Variants in ESRRG observed in about 807,000 individuals in gnomAD.
The protein encoded by ESRRG is estrogen-related receptor gamma.
Under a neutral mutation model 44.0 loss-of-function variants are expected in ESRRG, and 13 were observed. That is an observed-to-expected ratio of 0.30 (90% CI 0.19 to 0.47). The LOEUF (loss-of-function observed/expected upper bound fraction) is 0.47. ESRRG is among the 20% of genes least tolerant of loss of function. The probability of loss-of-function intolerance (pLI) is 1.00; values close to 1 mark genes in which losing one functional copy is unlikely to be tolerated. For synonymous variants in ESRRG, 215 were observed against 214.6 expected (o/e 1.00, Z -0.02); for missense variants, 395 against 580.6 (o/e 0.68, Z 3.29).
At chr1:217,032,138 T>C (rs1444604683) in intron 1 of ESRRG, among the ~76,000 whole-genome samples, 1 of 152,188 alleles carries the variant, frequency 6.6e-6, no homozygotes, top group Non-Finnish European at 1.5e-5. Context: ...ATATAAAGAA[T>C]GCAATACTAA....
At chr1:216,763,103 T>G (rs1172041336) in intron 2 of ESRRG, among the ~76,000 whole-genome samples, 1 of 152,130 alleles carries the variant, frequency 6.6e-6, no homozygotes, top group Admixed American at 6.6e-5. Flanking sequence ...ACAATTATAT[T>G]GGGAAGCTAT....
chr1:216,620,144 C>G (rs2061993117), intron 3 of ESRRG, among the ~76,000 whole-genome samples: 1 of 152,106 alleles, frequency 6.6e-6, no homozygotes, highest in South Asian at 2.1e-4. Flanking sequence ...AAGCCAATTT[C>G]TGGGTTTCAA....
At chr1:217,137,277 A>G (rs941374962) in intron 1 of ESRRG, among the ~76,000 whole-genome samples, 1 of 152,092 alleles carries the variant, frequency 6.6e-6, no homozygotes, top group Non-Finnish European at 1.5e-5. Flanking sequence ...CCCACCAGTT[A>G]CCTCCTCCTA....
chr1:216,991,290 T>C (rs17044815), intron 1 of ESRRG, among the ~76,000 whole-genome samples: 3,355 of 152,236 alleles, frequency 0.022, 122 homozygotes, highest in African/African-American at 0.075. Flanking sequence ...TACTGTACCA[T>C]TGAAACCAAC....
upstream of ESRRG, chr1:217,089,628 C>G (rs1391435762): frequency 6.6e-6 from 1 of 152,200 alleles, no homozygotes; most frequent in African/African-American, 2.4e-5. Context: ...CATTGCACAT[C>G]TTACACACGC....
intron 2 of ESRRG, among the ~76,000 whole-genome samples, chr1:216,807,862 G>A (rs761499930): frequency 7.2e-5 from 11 of 152,176 alleles, no homozygotes; most frequent in Non-Finnish European, 1.5e-4. Context: ...TTGGTGCCAA[G>A]TATAGTACTA....
chr1:216,727,671 T>G (rs1039150081), upstream of ESRRG, among the ~76,000 whole-genome samples: 7 of 152,194 alleles, frequency 4.6e-5, no homozygotes, highest in Non-Finnish European at 1.0e-4. Context: ...CTTTGATATT[T>G]AAATTATTGT....
intron 1 of ESRRG, among the ~76,000 whole-genome samples, chr1:217,110,136 A>G (rs2092644819): frequency 6.6e-6 from 1 of 152,220 alleles, no homozygotes; most frequent in Non-Finnish European, 1.5e-5. Context: ...CCAGGTTTGG[A>G]ACCCATGGAA....
intron 1 of ESRRG, among the ~76,000 whole-genome samples, chr1:217,015,519 C>T (rs1459933722): frequency 6.6e-6 from 1 of 152,080 alleles, no homozygotes; most frequent in Non-Finnish European, 1.5e-5. Flanking sequence ...TTTTTCTCTA[C>T]ACAGGAGCTC....
At chr1:216,977,393 T>A (rs2073166412) in intron 1 of ESRRG, among the ~76,000 whole-genome samples, 1 of 145,060 alleles carries the variant, frequency 6.9e-6, no homozygotes, top group African/African-American at 2.5e-5. Context: ...GATAGATGCC[T>A]AAGATATAAT....
chr1:217,003,579 A>AAGTATTAATATTAATT (rs1553766351), intron 1 of ESRRG, among the ~76,000 whole-genome samples: 2 of 147,718 alleles, frequency 1.4e-5, no homozygotes, highest in East Asian at 4.0e-4. Flanking sequence ...ACTAATTAAT[A>AAGTATTAATATTAATT]AGTATTAATA....
chr1:216,921,717 G>C (rs1278446874), intron 2 of ESRRG, among the ~76,000 whole-genome samples: 1 of 152,054 alleles, frequency 6.6e-6, no homozygotes, highest in Admixed American at 6.6e-5. Flanking sequence ...CTAATACAAT[G>C]AATTTTTTAA....
At chr1:216,895,570 A>C (rs946195014) in intron 2 of ESRRG, among the ~76,000 whole-genome samples, 7 of 152,234 alleles carry the variant, frequency 4.6e-5, no homozygotes, top group Non-Finnish European at 1.5e-5. Flanking sequence ...CTACCTTAGC[A>C]AGTTCCAATA....
chr1:216,946,526 C>T (rs947369937), intron 1 of ESRRG, among the ~76,000 whole-genome samples: 1 of 152,162 alleles, frequency 6.6e-6, no homozygotes, highest in African/African-American at 2.4e-5. Flanking sequence ...CTGATCATTA[C>T]ATGGGTCTGA....
chr1:216,647,272 G>C (rs1158936130), intron 3 of ESRRG, among the ~76,000 whole-genome samples: 5 of 152,038 alleles, frequency 3.3e-5, no homozygotes, highest in African/African-American at 1.2e-4. Context: ...ATGGTATAAT[G>C]ACAAAAAAAT....
intron 1 of ESRRG, among the ~76,000 whole-genome samples, chr1:217,122,403 T>C (rs1174124572): frequency 4.6e-5 from 7 of 152,162 alleles, no homozygotes; most frequent in Non-Finnish European, 1.5e-5. Context: ...GTTATGTGAT[T>C]TTGACTAAGT....
rs2081715290 is a variant in ESRRG, at chr1:217,029,461, T to C, written c.-106+60046A>G. On this transcript the variant is annotated intron_variant, in intron 1 of 7. Transcript: ENST00000359162. ...GCCCAGGTGAAGCAGGAAAAGACACTGAACTGCTTCCAAATGGACTGACTT... is the reference window on the plus strand; with the variant it reads ...GCCCAGGTGAAGCAGGAAAAGACACCGAACTGCTTCCAAATGGACTGACTT... Among the ~76,000 whole-genome samples the C allele has an allele frequency of 2.0e-5, 3 of 152,214 alleles. No homozygotes were observed. The South Asian group carries it at 6.2e-4, about 32-fold the overall frequency.
Position 216,913,111 on chromosome 1 carries a change from CAAAAAAAAAAA to C in ESRRG, c.-14+26460_-14+26470del, listed in dbSNP as rs36067159. Among the ~76,000 whole-genome samples the C allele has an allele frequency of 4.9e-4, 31 of 62,790 alleles. 1 individual carries two copies. Among genetic ancestry groups the C allele is most frequent in the African/African-American group, 1.6e-3 (29 of 18,570 alleles). The allele number at this position is 62,790 out of a possible 152,430, so 41.2% of individuals were successfully genotyped here. On this transcript the variant is annotated intron_variant, in intron 2 of 7. Transcript: ENST00000359162. The stretch of plus-strand genomic sequence containing the variant: ...TGCACTCCAGAGCGAGACTCTGTCT[CAAAAAAAAAAA>C]AAAAAAAAAAGGAAAGAAAGACAGA...
rs1553667192 is a variant in ESRRG at position 216,873,215 on chromosome 1, T to TG, written c.-14+66366_-14+66367insC. On this transcript the variant is annotated intron_variant, in intron 2 of 7. Transcript: ENST00000359162. ...GTTCATAAACATCTTTTCAGTTTTT[T>TG]TTTTTTTTTTTTTTTGACAGAGTTT... Among the ~76,000 whole-genome samples, 3 of 145,990 alleles carry TG rather than the reference T, an allele frequency of 2.1e-5. No homozygotes were observed. The South Asian group carries it at 6.7e-4, about 32-fold the overall frequency.
Sources: allele counts gnomAD v4.1 joint callset (sites outside exome capture counted in the v4.1 genomes callset), GRCh38; gene constraint gnomAD v4.1.1; transcripts MANE v1.5; gene names NCBI Gene and HGNC (gene_info 2026-07-23, HGNC 2026-07-21).